Variants in BRWD1 observed in about 807,000 individuals in gnomAD.
BRWD1 encodes bromodomain and WD repeat domain containing 1, also known as bromodomain and WD repeat-containing protein 1.
In BRWD1, 82 loss-of-function variants were observed where a neutral mutation model predicts 251.2. The observed-to-expected ratio is 0.33, with a 90% confidence interval of 0.27 to 0.39. BRWD1 has a LOEUF of 0.39. BRWD1 is among the 10% of genes least tolerant of loss of function. The pLI is 1.00. For missense variants in BRWD1, 2,233 were observed against 2,711.6 expected (o/e 0.82, Z 3.92); for synonymous variants, 918 against 902.8 (o/e 1.02, Z -0.30).
At chr21:39,206,407 T>C in intron 36 of BRWD1, 133 bp from the exon 37 acceptor site, 1 of 634,052 alleles carries the variant, frequency 1.6e-6, no homozygotes, top group Non-Finnish European at 2.6e-6. Context: ...CCACTTCTTC[T>C]GTTTCCAACC....
At chr21:39,231,720 T>A (rs1325221153) in intron 25 of BRWD1, among the ~76,000 whole-genome samples, 8 of 152,226 alleles carry the variant, frequency 5.3e-5, no homozygotes. Flanking sequence ...TGCTAAAATG[T>A]GGAATTCTTT....
upstream of BRWD1, chr21:39,313,699 G>A (rs1445928571): frequency 7.8e-6 from 3 of 386,610 alleles, no homozygotes; most frequent in African/African-American, 2.2e-5. Flanking sequence ...CCCTCCGCGG[G>A]GGGCGGGGGT....
intron 40 of BRWD1, among the ~76,000 whole-genome samples, chr21:39,197,636 G>A (rs1019726260): frequency 6.6e-6 from 1 of 152,254 alleles, no homozygotes; most frequent in Admixed American, 6.5e-5. Context: ...ACATCACAGA[G>A]TGTGCTTACA....
upstream of BRWD1, chr21:39,313,740 C>G: frequency 2.7e-6 from 1 of 375,774 alleles, no homozygotes; most frequent in Non-Finnish European, 4.8e-6. Context: ...AGCTCGTGTC[C>G]CGCCCGGGGA....
intron 4 of BRWD1, among the ~76,000 whole-genome samples, chr21:39,309,329 T>G (rs1260208565): frequency 1.3e-5 from 2 of 148,428 alleles, no homozygotes; most frequent in Non-Finnish European, 3.0e-5. Flanking sequence ...CACATGCCTG[T>G]GGTCCCAGCT....
In BRWD1 at chr21:39,264,584, C is replaced by A. The variant is rs1301541260; in HGVS notation, c.1761G>T (p.Met587Ile). The A allele has an allele frequency of 2.5e-6, 4 of 1,613,062 alleles. No individual in the cohort carries two copies. Among genetic ancestry groups the A allele is most frequent in the Non-Finnish European group, 3.4e-6 (4 of 1,179,452 alleles). ...CTACATCTACCAAGAATGGTGGAGG[C>A]ATAAGATGAGGAGCCTGCTGAGTTT... ...DEQTQQAPHL[M>I]PPPFLVDVDG... Residue 587 changes from methionine (M) to isoleucine (I), a missense_variant, in exon 17 of 41, where the codon ATG becomes ATT. Met to Ile is a conservative substitution (Grantham distance 10). Coordinates refer to ENST00000342449, the MANE Select transcript of BRWD1 (RefSeq NM_033656.4).
At chr21:39,292,935 T>A (rs2035857327) in intron 8 of BRWD1, among the ~76,000 whole-genome samples, 1 of 152,178 alleles carries the variant, frequency 6.6e-6, no homozygotes, top group African/African-American at 2.4e-5. Context: ...GCAGTTTTTT[T>A]AAAAAGGAAT....
Position 39,280,258 on chromosome 21 carries a change from A to T in BRWD1, c.832-10T>A. The T allele has an allele frequency of 6.3e-7, 1 of 1,586,072 alleles. No individual in the cohort carries two copies. Among genetic ancestry groups the T allele is most frequent in the Non-Finnish European group, 8.6e-7 (1 of 1,161,448 alleles). ...TGGCCATCGGGCTAAACTAAAAAGT[A>T]AAACATATACAATTCAGTTTCCAGA... On this transcript the variant is annotated splice_polypyrimidine_tract_variant and intron_variant, in intron 8 of 40. Transcript: ENST00000342449.
rs190320216 is a variant in BRWD1, at chr21:39,257,526, G to C, written c.2071+961C>G. 5.3e-5 allele frequency among the ~76,000 whole-genome samples: 8 copies of C among 152,046 alleles called. No individual in the cohort carries two copies. In the South Asian group the frequency reaches 6.2e-4, roughly 12 times the overall value. ...ACATAATCCTAAAATGTAATGAGCA[G>C]GGCTAATTAAATCCTAAATTTTTTT... is the stretch of plus-strand genomic sequence containing the variant. On this transcript the variant is annotated intron_variant, in intron 18 of 40. Transcript: ENST00000342449.
At position 39,185,608 on chromosome 21, in the gene BRWD1, A is replaced by G. The variant is rs1262754685; in HGVS notation, c.*10651T>C. 1 of 152,070 alleles carries G rather than the reference A, an allele frequency of 6.6e-6. No homozygotes were observed. Among genetic ancestry groups the G allele is most frequent in the Non-Finnish European group, 1.5e-5 (1 of 67,974 alleles). The allele number at this position is 152,070 out of a possible 1,614,324, so 9.4% of individuals were successfully genotyped here. Reference sequence around the variant, plus strand: ...AAGGACACAGACTTAGTAGGTTAGAATATTCTGGCTTATGCTAAAAAACAA... The same window carrying G: ...AAGGACACAGACTTAGTAGGTTAGAGTATTCTGGCTTATGCTAAAAAACAA... On this transcript the variant is annotated 3_prime_UTR_variant, in exon 41 of 41. Transcript: ENST00000342449.
chr21:39,225,062 A>G, intron 28 of BRWD1, 24 bp downstream of exon 28: 1 of 1,432,084 alleles, frequency 7.0e-7, no homozygotes. Context: ...CTGGGAAATG[A>G]TTAGTTTTCA....
In BRWD1 at chr21:39,254,364, T is replaced by C. The variant is rs1159213183; in HGVS notation, c.2255+1281A>G. On this transcript the variant is annotated intron_variant, in intron 19 of 40. Coordinates refer to ENST00000342449, the MANE Select transcript of BRWD1 (RefSeq NM_033656.4). ...CAAGATGAACTATAATATCTTCCCC[T>C]GTCTCATAGTAAGGATGCTATGGAA... Among the ~76,000 whole-genome samples, 3 of 152,156 alleles carry C rather than the reference T, an allele frequency of 2.0e-5. No homozygotes were observed. The East Asian group carries it at 5.8e-4, about 29-fold the overall frequency.
At chr21:39,241,583 T>C (rs1375161807) in intron 21 of BRWD1, among the ~76,000 whole-genome samples, 1 of 143,458 alleles carries the variant, frequency 7.0e-6, no homozygotes, top group Non-Finnish European at 1.5e-5. Flanking sequence ...CAAACGGGTA[T>C]CATTAAAATC....
intron 20 of BRWD1, among the ~76,000 whole-genome samples, chr21:39,248,757 C>T (rs112249217): frequency 1.1e-4 from 16 of 150,570 alleles, no homozygotes; most frequent in African/African-American, 3.9e-4. Flanking sequence ...TTATACACTG[C>T]TAGTGAAACT....
rs2031742490 is a variant in BRWD1 at position 39,195,102 on chromosome 21, C to T, written c.*1157G>A. 2.5e-6 allele frequency: 3 copies of T among 1,190,418 alleles called. No homozygotes were observed. The highest frequency in any genetic ancestry group is 3.2e-5 in the African/African-American group (2 of 63,334). 73.7% of individuals were successfully genotyped at this position (1,190,418 alleles called of 1,614,324 possible). A position where few individuals can be genotyped will look rare whatever the true frequency, so the allele number is the denominator to read the frequency against. ...AATGGATTATAAAATTATTTTCCCA[C>T]AAAACATGACAGTTTCTTATATTTG... On this transcript the variant is annotated 3_prime_UTR_variant, in exon 41 of 41. Coordinates refer to ENST00000342449, the MANE Select transcript of BRWD1 (RefSeq NM_033656.4).
In BRWD1 at chr21:39,189,363, T is replaced by A. The variant is rs2146435737; in HGVS notation, c.*6896A>T. 1.0e-6 allele frequency: 1 copy of A among 984,984 alleles called. No individual in the cohort carries two copies. The highest frequency in any genetic ancestry group is 1.7e-5 in the African/African-American group (1 of 57,356). 61.0% of individuals were successfully genotyped at this position (984,984 alleles called of 1,614,324 possible). ...TGCTTTAAGTTGCAGAAATTCCATT[T>A]TGATGTGTGATCAAAGTACCTATAC... On this transcript the variant is annotated 3_prime_UTR_variant, in exon 41 of 41. Transcript: ENST00000342449.
intron 29 of BRWD1, among the ~76,000 whole-genome samples, chr21:39,220,854 A>G (rs928202817): frequency 4.6e-5 from 7 of 152,138 alleles, no homozygotes; most frequent in Non-Finnish European, 1.0e-4. Context: ...AATATATAAG[A>G]TAAAAATATA....
In BRWD1 at chr21:39,198,860, G is replaced by A; in HGVS notation, c.5556C>T (p.Asp1852=). The part of the protein sequence containing the change: ...MNPISGNLNC[D]PIAMSQCSSD... ...AGGAACACTGGGACATAGCAATAGG[G>A]TCACAGTTCAGATTTCCTGAAATTG... The change falls in exon 40 of 41, where the codon GAC becomes GAT. Residue 1852 remains aspartate (D), a synonymous_variant. Coordinates refer to ENST00000342449, the MANE Select transcript of BRWD1 (RefSeq NM_033656.4). 1 of 1,613,974 alleles carries A rather than the reference G, an allele frequency of 6.2e-7. No homozygotes were observed. Among genetic ancestry groups the A allele is most frequent in the Non-Finnish European group, 8.5e-7 (1 of 1,179,856 alleles).
Position 39,196,131 on chromosome 21 carries a change from T to G in BRWD1, c.*128A>C. On this transcript the variant is annotated 3_prime_UTR_variant, in exon 41 of 41. Transcript: ENST00000342449. The stretch of plus-strand genomic sequence containing the variant: ...AATAACAGTCATGATTTAGTCACAT[T>G]CATAACTTTTCATAGAAAAATATAA... 1.4e-6 allele frequency: 2 copies of G among 1,446,418 alleles called. No individual in the cohort carries two copies. The highest frequency in any genetic ancestry group is 1.8e-6 in the Non-Finnish European group (2 of 1,107,208). The allele number at this position is 1,446,418 out of a possible 1,614,324, so 89.6% of individuals were successfully genotyped here.
Sources: allele counts gnomAD v4.1 joint callset (sites outside exome capture counted in the v4.1 genomes callset), GRCh38; gene constraint gnomAD v4.1.1; transcripts MANE v1.5; gene names NCBI Gene and HGNC (gene_info 2026-07-23, HGNC 2026-07-21).